Variants in SLCO1C1 observed in about 807,000 individuals in gnomAD.
SLCO1C1 encodes solute carrier organic anion transporter family member 1C1, also known as OAT-RP-5.
A neutral mutation model predicts 76.4 loss-of-function variants in SLCO1C1; 70 were observed. The ratio of observed to expected loss-of-function variants is 0.92; its 90% CI spans 0.76 to 1.12. The LOEUF is 1.12. Ranked by LOEUF, SLCO1C1 falls within the 50% of genes most tolerant of loss-of-function variation. The pLI, the probability that SLCO1C1 is intolerant of heterozygous loss-of-function variation, is 0.00. For synonymous variants in SLCO1C1, 306 were observed against 286.1 expected, an observed-to-expected ratio of 1.07 and a Z score of -0.70; for missense variants, 912 against 823.8, an observed-to-expected ratio of 1.11 and a Z score of -1.31.
rs755634791 is a variant in SLCO1C1, at chr12:20,732,990, G to GA, written c.1269dup (p.Ala424SerfsTer25). On this transcript the variant is annotated frameshift_variant, in exon 10 of 15. Transcript: ENST00000266509. LOFTEE classifies it high-confidence loss of function. ...AAAAAATTCAGAATCAGTGTGTGTG[G>GA]AGCTGCAAAACTCTACTTGGGATCA... 1 of 1,613,908 alleles carries GA rather than the reference G, an allele frequency of 6.2e-7. No homozygotes were observed. Among genetic ancestry groups the GA allele is most frequent in the Non-Finnish European group, 8.5e-7 (1 of 1,179,928 alleles).
At chr12:20,726,114 T>A (rs1476867491) in intron 9 of SLCO1C1, among the ~76,000 whole-genome samples, 2 of 152,176 alleles carry the variant, frequency 1.3e-5, no homozygotes. Flanking sequence ...TGTACGATGG[T>A]GAAAATAAAT....
chr12:20,746,194 TA>T (rs1949034537), intron 13 of SLCO1C1, among the ~76,000 whole-genome samples: 1 of 152,134 alleles, frequency 6.6e-6, no homozygotes, highest in South Asian at 2.1e-4. Flanking sequence ...CAAGGTGAGA[TA>T]AATTGAAACT....
chr12:20,699,799 CT>C, intron 2 of SLCO1C1, 94 bp downstream of exon 2: 41 of 1,288,224 alleles, frequency 3.2e-5, no homozygotes, highest in East Asian at 8.6e-5. Flanking sequence ...TTGTTTTCTC[CT>C]TTAAAAAAAA....
chr12:20,698,229 CTT>C (rs1308787446), intron 1 of SLCO1C1, among the ~76,000 whole-genome samples: 51 of 151,832 alleles, frequency 3.4e-4, no homozygotes, highest in Admixed American at 6.6e-5. Context: ...ATTATTAGCT[CTT>C]TGTTTTGCTT....
intron 5 of SLCO1C1, among the ~76,000 whole-genome samples, chr12:20,713,170 C>T (rs1947206236): frequency 6.6e-6 from 1 of 150,726 alleles, no homozygotes; most frequent in Non-Finnish European, 1.5e-5. Context: ...AGCTCCGCCT[C>T]CCGGGTTCAC....
Position 20,708,947 on chromosome 12 carries a change from C to T in SLCO1C1, c.405-2439C>T, listed in dbSNP as rs116401831. 1.4e-3 allele frequency among the ~76,000 whole-genome samples: 216 copies of T among 152,202 alleles called. 2 individuals are homozygous for T. Among genetic ancestry groups the T allele is most frequent in the African/African-American group, 5.1e-3 (211 of 41,530 alleles). ...GGACAATTACAAGAATTTAGTTTGT[C>T]CTCTGAATGAGATGCGAAGTTTTTA... On this transcript the variant is annotated intron_variant, in intron 4 of 14. Coordinates refer to ENST00000266509, the MANE Select transcript of SLCO1C1 (RefSeq NM_017435.5).
intron 3 of SLCO1C1, among the ~76,000 whole-genome samples, chr12:20,702,403 T>A (rs933430795): frequency 6.6e-6 from 1 of 151,532 alleles, no homozygotes; most frequent in African/African-American, 2.4e-5. Flanking sequence ...AAATTCATCT[T>A]TTGTCATCCT....
At position 20,699,475 on chromosome 12, in the gene SLCO1C1, G is replaced by A. The variant is rs1377781014; in HGVS notation, c.-25-77G>A. 3.4e-6 allele frequency: 4 copies of A among 1,174,486 alleles called. No homozygotes were observed. In the Admixed American group the frequency reaches 1.3e-4, roughly 38 times the overall value. The allele number at this position is 1,174,486 out of a possible 1,614,324, so 72.8% of individuals were successfully genotyped here. ...CTTTAAATTGCGTCTATAGAATTGTGGTATACTGTTGAATAAAAAAATTTA... is the reference window on the plus strand; with the variant it reads ...CTTTAAATTGCGTCTATAGAATTGTAGTATACTGTTGAATAAAAAAATTTA... On this transcript the variant is annotated intron_variant, in intron 1 of 14. Transcript: ENST00000266509.
At chr12:20,734,909 G>T (rs1948469908) in intron 10 of SLCO1C1, among the ~76,000 whole-genome samples, 1 of 151,990 alleles carries the variant, frequency 6.6e-6, no homozygotes, top group African/African-American at 2.4e-5. Flanking sequence ...TTCTTAACAA[G>T]GGCAAAGATT....
intron 11 of SLCO1C1, 46 bp from the exon 12 acceptor site, chr12:20,740,138 T>A (rs1948735601): frequency 6.6e-7 from 1 of 1,515,456 alleles, no homozygotes; most frequent in Non-Finnish European, 9.0e-7. Context: ...TTTAACTTTA[T>A]TTAAATGTTA....
chr12:20,716,194 T>C (rs1431861115), intron 6 of SLCO1C1, among the ~76,000 whole-genome samples: 1 of 152,190 alleles, frequency 6.6e-6, no homozygotes, highest in Non-Finnish European at 1.5e-5. Context: ...GAATAGGCTA[T>C]AGTTAAGATC....
At position 20,717,315 on chromosome 12, in the gene SLCO1C1, C is replaced by T. The variant is rs570004570; in HGVS notation, c.775+85C>T. 28 of 1,085,526 alleles carry T rather than the reference C, an allele frequency of 2.6e-5. No individual in the cohort carries two copies. The African/African-American group carries it at 4.6e-4, about 18-fold the overall frequency. 67.2% of individuals were successfully genotyped at this position (1,085,526 alleles called of 1,614,324 possible). ...GAACAGTGTGGAAATTATCAAATTG[C>T]CTTTTTATAAAATGATGGAGTTGTA... On this transcript the variant is annotated intron_variant, in intron 7 of 14. Transcript: ENST00000266509.
At chr12:20,705,053 C>T (rs1045120176) in intron 3 of SLCO1C1, among the ~76,000 whole-genome samples, 1 of 151,878 alleles carries the variant, frequency 6.6e-6, no homozygotes, top group Non-Finnish European at 1.5e-5. Context: ...TGCCAAGAAT[C>T]GCATTTTTAA....
intron 3 of SLCO1C1, among the ~76,000 whole-genome samples, chr12:20,702,288 AATTT>A (rs1470286854): frequency 6.6e-6 from 1 of 151,886 alleles, no homozygotes; most frequent in African/African-American, 2.4e-5. Context: ...ACTCTTTAAC[AATTT>A]ATTTCTTTTC....
intron 9 of SLCO1C1, among the ~76,000 whole-genome samples, chr12:20,727,068 T>C (rs1948044647): frequency 6.6e-6 from 1 of 152,240 alleles, no homozygotes; most frequent in Admixed American, 6.5e-5. Context: ...CATAGTATTC[T>C]GTGGTGTATA....
rs1354630594 is a variant in SLCO1C1, at chr12:20,724,421, A to G, written c.1186+1167A>G. Among the ~76,000 whole-genome samples, 22 of 88,538 alleles carry G rather than the reference A, an allele frequency of 2.5e-4. No individual in the cohort carries two copies. The South Asian group carries it at 4.5e-3, about 18-fold the overall frequency. The allele number at this position is 88,538 out of a possible 152,430, so 58.1% of individuals were successfully genotyped here. A position where few individuals can be genotyped will look rare whatever the true frequency, so the allele number is the denominator to read the frequency against. ...TGTGTGTGTGTGTGTGTATATATAT[A>G]TATATATATATATATATATATATAT... On this transcript the variant is annotated intron_variant, in intron 9 of 14. Coordinates refer to ENST00000266509, the MANE Select transcript of SLCO1C1 (RefSeq NM_017435.5).
rs1359957840 is a variant in SLCO1C1 at position 20,705,981 on chromosome 12, T to C, written c.304T>C (p.Phe102Leu). Reference protein sequence around the residue: ...NLLVITFVSYFGAKLHRPKII... With the variant: ...NLLVITFVSYLGAKLHRPKII... ...CTTAGTTATAACATTTGTTAGCTAC[T>C]TTGGAGCCAAACTTCACAGGCCAAA... Residue 102 changes from phenylalanine to leucine, a missense_variant, in exon 4 of 15, where the codon TTT becomes CTT. Phe to Leu is a conservative substitution (Grantham distance 22). Transcript: ENST00000266509. 1.5e-5 allele frequency: 25 copies of C among 1,613,312 alleles called. No individual in the cohort carries two copies. The highest frequency in any genetic ancestry group is 2.0e-5 in the Non-Finnish European group (24 of 1,179,478).
At chr12:20,710,053 G>A (rs1946994978) in intron 4 of SLCO1C1, among the ~76,000 whole-genome samples, 2 of 151,768 alleles carry the variant, frequency 1.3e-5, no homozygotes, top group Non-Finnish European at 2.9e-5. Flanking sequence ...ATACAAAAAT[G>A]TTCTTACTTT....
At chr12:20,707,892 G>A (rs1046124584) in intron 4 of SLCO1C1, among the ~76,000 whole-genome samples, 1 of 152,152 alleles carries the variant, frequency 6.6e-6, no homozygotes, top group Admixed American at 6.5e-5. Flanking sequence ...ATATCAAAGG[G>A]ACAGAGACAG....
Sources: gnomAD v4.1 joint callset for allele counts (sites outside exome capture counted in the v4.1 genomes callset) on GRCh38, gnomAD v4.1.1 for gene constraint, MANE v1.5 for transcripts, NCBI Gene and HGNC (gene_info 2026-07-23, HGNC 2026-07-21) for gene names.